The following GRHL2 variants were observed in gnomAD, a reference collection of about 807,000 sequenced individuals.
The protein encoded by GRHL2 is grainyhead-like protein 2 homolog.
In GRHL2, 21 loss-of-function variants were observed where a neutral mutation model predicts 83.8. The observed-to-expected ratio is 0.25, with a 90% confidence interval of 0.18 to 0.36. The LOEUF is 0.36. Ranked by LOEUF, GRHL2 falls within the 10% of genes least tolerant of loss-of-function variation. GRHL2 has a pLI of 1.00. For missense variants in GRHL2, 623 were observed against 781.8 expected, an observed-to-expected ratio of 0.80 and a Z score of 2.42; for synonymous variants, 280 against 278.9, an observed-to-expected ratio of 1.00 and a Z score of -0.04.
Position 101,667,419 on chromosome 8 carries a change from A to G in GRHL2, c.*716A>G, listed in dbSNP as rs1487610926. 1 of 153,688 alleles carries G rather than the reference A, an allele frequency of 6.5e-6. No individual in the cohort carries two copies. Among genetic ancestry groups the G allele is most frequent in the Non-Finnish European group, 1.5e-5 (1 of 68,824 alleles). The allele number at this position is 153,688 out of a possible 1,614,324, so 9.5% of individuals were successfully genotyped here. On this transcript the variant is annotated 3_prime_UTR_variant, in exon 16 of 16. Transcript: ENST00000646743. Reference sequence around the variant, plus strand: ...TTACTGCCACTGGCCTAGAGGAGACACAGACCTGGAGACCGTTTTAATGGG... The same window carrying G: ...TTACTGCCACTGGCCTAGAGGAGACGCAGACCTGGAGACCGTTTTAATGGG...
At chr8:101,528,442 T>A (rs1014818842) in intron 1 of GRHL2, among the ~76,000 whole-genome samples, 2 of 151,812 alleles carry the variant, frequency 1.3e-5, no homozygotes, top group Non-Finnish European at 2.9e-5. Flanking sequence ...TTTTTTTTTT[T>A]AACTAACAAG....
chr8:101,494,261 T>C (rs1810047726), intron 1 of GRHL2, among the ~76,000 whole-genome samples: 1 of 151,166 alleles, frequency 6.6e-6, no homozygotes, highest in African/African-American at 2.4e-5. Context: ...TGTTCAGGGG[T>C]GGAGGGGAAG....
At chr8:101,628,326 G>A (rs1047655693) in intron 9 of GRHL2, among the ~76,000 whole-genome samples, 1 of 151,876 alleles carries the variant, frequency 6.6e-6, no homozygotes, top group African/African-American at 2.4e-5. Context: ...GTCTGCTTGT[G>A]CTCTGTAAAC....
rs548684459 is a variant in GRHL2 at position 101,510,939 on chromosome 8, A to G, written c.20+18150A>G. Reference sequence around the variant, plus strand: ...CATGGCGAAACCCCGTCTCTACTAAAAATACAAAAAAATTAGCCAGGCATG... The same window carrying G: ...CATGGCGAAACCCCGTCTCTACTAAGAATACAAAAAAATTAGCCAGGCATG... On this transcript the variant is annotated intron_variant, in intron 1 of 15. Coordinates refer to ENST00000646743, the MANE Select transcript of GRHL2 (RefSeq NM_024915.4). Among the ~76,000 whole-genome samples the G allele has an allele frequency of 2.0e-5, 3 of 152,224 alleles. No individual in the cohort carries two copies. In the South Asian group the frequency reaches 6.2e-4, roughly 32 times the overall value.
intron 12 of GRHL2, among the ~76,000 whole-genome samples, chr8:101,643,366 T>C: frequency 1.5e-5 from 1 of 66,744 alleles, no homozygotes. Flanking sequence ...TTTCTGTTTC[T>C]CTCAAAAAAA....
intron 2 of GRHL2, among the ~76,000 whole-genome samples, chr8:101,544,789 C>A (rs541038960): frequency 1.2e-4 from 18 of 152,248 alleles, no homozygotes; most frequent in African/African-American, 3.1e-4. Context: ...CTTTTAGTAA[C>A]CTTTGGTCTT....
chr8:101,598,371 C>G (rs1042034882), intron 7 of GRHL2, among the ~76,000 whole-genome samples: 2 of 151,556 alleles, frequency 1.3e-5, no homozygotes, highest in Non-Finnish European at 2.9e-5. Flanking sequence ...ACCTAAGTAG[C>G]TAGGATTACA....
intron 14 of GRHL2, among the ~76,000 whole-genome samples, chr8:101,661,025 G>A (rs1183041121): frequency 6.6e-6 from 1 of 152,194 alleles, no homozygotes; most frequent in Non-Finnish European, 1.5e-5. Flanking sequence ...ATAACCCTAT[G>A]TGCCGAGCTT....
In GRHL2 at chr8:101,643,369, CAAAAAAAAAAA is replaced by C. The variant is rs56301334; in HGVS notation, c.1518-745_1518-735del. ...CTATCCTCTTAGTTTCTGTTTCTCT[CAAAAAAAAAAA>C]AAAAAAAAAAAAAAAATCCTCCCCT... On this transcript the variant is annotated intron_variant, in intron 12 of 15. Coordinates refer to ENST00000646743, the MANE Select transcript of GRHL2 (RefSeq NM_024915.4). Among the ~76,000 whole-genome samples, 70 of 96,960 alleles carry C rather than the reference CAAAAAAAAAAA, an allele frequency of 7.2e-4. 2 individuals are homozygous for C. The East Asian group carries it at 0.015, about 21-fold the overall frequency. 63.6% of individuals were successfully genotyped at this position (96,960 alleles called of 152,430 possible). A position where few individuals can be genotyped will look rare whatever the true frequency, so the allele number is the denominator to read the frequency against.
rs547305514 is a variant in GRHL2, at chr8:101,584,591, T to TA, written c.1003+7081dup. On this transcript the variant is annotated intron_variant, in intron 7 of 15. Transcript: ENST00000646743. The stretch of plus-strand genomic sequence containing the variant: ...TAATTAAACAGTTTATTTAAACTGT[T>TA]AAAAAAAAAGAGTTTTTTTTATTTG... Among the ~76,000 whole-genome samples the TA allele has an allele frequency of 6.5e-3, 985 of 151,426 alleles. 6 individuals are homozygous for TA. Among genetic ancestry groups the TA allele is most frequent in the African/African-American group, 0.019 (777 of 41,288 alleles).
chr8:101,613,838 C>T (rs1466263273), intron 8 of GRHL2, among the ~76,000 whole-genome samples: 2 of 150,900 alleles, frequency 1.3e-5, no homozygotes, highest in Non-Finnish European at 2.9e-5. Context: ...TGTGCAATTT[C>T]TTGGAAAAGA....
intron 7 of GRHL2, among the ~76,000 whole-genome samples, chr8:101,596,538 G>A (rs934597607): frequency 6.6e-6 from 1 of 152,096 alleles, no homozygotes; most frequent in African/African-American, 2.4e-5. Flanking sequence ...GCCAAGACAA[G>A]CAAAATAAAG....
intron 1 of GRHL2, among the ~76,000 whole-genome samples, chr8:101,496,989 TC>T: frequency 6.6e-6 from 1 of 152,234 alleles, no homozygotes; most frequent in South Asian, 2.1e-4. Flanking sequence ...CTCAAAACAG[TC>T]AAAATTATTC....
At chr8:101,679,530 A>G in the GRHL2 span, among the ~76,000 whole-genome samples, 5 of 149,874 alleles carry the variant, frequency 3.3e-5, no homozygotes, top group South Asian at 8.5e-4. Flanking sequence ...AACTTCCCCA[A>G]TCTAGCAAGG....
intron 9 of GRHL2, among the ~76,000 whole-genome samples, chr8:101,628,939 G>A (rs567894659): frequency 1.3e-5 from 2 of 152,244 alleles, no homozygotes; most frequent in South Asian, 2.1e-4. Context: ...TGCAAAGAAA[G>A]TGAGATAGAA....
At chr8:101,576,879 T>C (rs1312885410) in intron 6 of GRHL2, among the ~76,000 whole-genome samples, 1 of 152,262 alleles carries the variant, frequency 6.6e-6, no homozygotes, top group Non-Finnish European at 1.5e-5. Flanking sequence ...ATCTGTAGTT[T>C]AGATCTATGT....
At chr8:101,495,994 A>G (rs1810094595) in intron 1 of GRHL2, among the ~76,000 whole-genome samples, 1 of 151,942 alleles carries the variant, frequency 6.6e-6, no homozygotes, top group Non-Finnish European at 1.5e-5. Context: ...TAAATATACA[A>G]AAAATTAGCC....
In GRHL2 at chr8:101,562,815, G is replaced by A. The variant is rs576348476; in HGVS notation, c.678+4003G>A. Reference sequence around the variant, plus strand: ...TCTGCATTCAAGATGGGGGTCATTGGTTCTCTACTTTTCAGCCCACCTAGG... The same window carrying A: ...TCTGCATTCAAGATGGGGGTCATTGATTCTCTACTTTTCAGCCCACCTAGG... On this transcript the variant is annotated intron_variant, in intron 4 of 15. Coordinates refer to ENST00000646743, the MANE Select transcript of GRHL2 (RefSeq NM_024915.4). 1.2e-4 allele frequency among the ~76,000 whole-genome samples: 19 copies of A among 152,282 alleles called. No homozygotes were observed. In the South Asian group the frequency reaches 3.9e-3, roughly 32 times the overall value.
chr8:101,631,720 C>T lies in GRHL2; in HGVS notation c.1341C>T (p.Asn447=). Reference sequence around the variant, plus strand: ...GCCAGGCCTCCCAAACTCAATGCAACAGCTGTGAGTTTCACTGAGACTAAT... The same window carrying T: ...GCCAGGCCTCCCAAACTCAATGCAATAGCTGTGAGTTTCACTGAGACTAAT... ...GKGQASQTQC[N]SSSDGKLAAI... is the part of the protein sequence containing the mutation. Residue 447 remains asparagine (N), a synonymous_variant, in exon 10 of 16, where the codon AAC becomes AAT. Transcript: ENST00000646743. 5 of 1,611,082 alleles carry T rather than the reference C, an allele frequency of 3.1e-6. No homozygotes were observed. Among genetic ancestry groups the T allele is most frequent in the Non-Finnish European group, 3.4e-6 (4 of 1,177,338 alleles).
Sources: gnomAD v4.1 joint callset for allele counts (sites outside exome capture counted in the v4.1 genomes callset) on GRCh38, gnomAD v4.1.1 for gene constraint, MANE v1.5 for transcripts, NCBI Gene and HGNC (gene_info 2026-07-23, HGNC 2026-07-21) for gene names.